Variants in SIK3 observed in about 807,000 individuals in gnomAD.
The protein encoded by SIK3 is SIK family kinase 3.
In SIK3, 28 loss-of-function variants were observed where a neutral mutation model predicts 144.2. The ratio of observed to expected loss-of-function variants is 0.19; its 90% CI spans 0.14 to 0.27. The LOEUF is 0.27. Ranked by LOEUF, SIK3 falls within the 10% of genes least tolerant of loss-of-function variation. The probability of loss-of-function intolerance (pLI) is 1.00; values close to 1 mark genes in which losing one functional copy is unlikely to be tolerated. For synonymous variants in SIK3, 686 were observed against 676.3 expected (o/e 1.01, Z -0.22); for missense variants, 1,319 against 1,776.0 (o/e 0.74, Z 4.62).
intron 22 of SIK3, among the ~76,000 whole-genome samples, chr11:116,848,381 G>A (rs1414440440): frequency 1.3e-5 from 2 of 152,122 alleles, no homozygotes; most frequent in African/African-American, 2.4e-5. Context: ...AAGTGTAACT[G>A]GTGTGACTGA....
At chr11:116,996,201 G>C (rs945139952) in intron 1 of SIK3, among the ~76,000 whole-genome samples, 3 of 151,866 alleles carry the variant, frequency 2.0e-5, no homozygotes, top group South Asian at 4.2e-4. Flanking sequence ...CCAGCTATTC[G>C]GGAGGCTGAG....
chr11:116,900,041 T>C (rs148595113), intron 4 of SIK3, among the ~76,000 whole-genome samples: 1 of 152,288 alleles, frequency 6.6e-6, no homozygotes, highest in African/African-American at 2.4e-5. Flanking sequence ...TCTCGCTACT[T>C]CTACCAGCAT....
At chr11:117,015,684 C>T (rs756323683) in intron 1 of SIK3, among the ~76,000 whole-genome samples, 2 of 152,102 alleles carry the variant, frequency 1.3e-5, no homozygotes, top group Admixed American at 6.6e-5. Context: ...AAGTGATTCT[C>T]CTGCCTCAGC....
chr11:116,919,472 A>G (rs187817203), intron 4 of SIK3, among the ~76,000 whole-genome samples: 1 of 152,296 alleles, frequency 6.6e-6, no homozygotes, highest in East Asian at 1.9e-4. Context: ...AGTGGAAACT[A>G]TCTCATGGAG....
intron 1 of SIK3, among the ~76,000 whole-genome samples, chr11:117,001,984 T>C (rs1305966936): frequency 6.6e-6 from 1 of 152,220 alleles, no homozygotes; most frequent in Non-Finnish European, 1.5e-5. Flanking sequence ...AGCTCCTTCA[T>C]TGTCTGGGCT....
intron 1 of SIK3, among the ~76,000 whole-genome samples, chr11:116,982,943 CAAAAAA>C (rs35698580): frequency 0.21 from 14,424 of 69,192 alleles, 839 homozygotes; most frequent in Admixed American, 0.31. Context: ...GACTCCGTCT[CAAAAAA>C]AAAAAAAAAA....
At chr11:117,016,399 GGAAGGAA>G (rs1565559525) in intron 1 of SIK3, among the ~76,000 whole-genome samples, 6 of 107,984 alleles carry the variant, frequency 5.6e-5, no homozygotes, top group East Asian at 5.8e-4. Context: ...AGGGAGGGAA[GGAAGGAA>G]GGAAGGAAGG....
intron 14 of SIK3, 102 bp downstream of exon 14, chr11:116,870,229 T>C: frequency 6.4e-7 from 1 of 1,567,916 alleles, no homozygotes; most frequent in Non-Finnish European, 8.7e-7. Context: ...ACACAAATGT[T>C]GAAGCTGCAC....
At chr11:117,046,089 T>C (rs1463835890) in intron 1 of SIK3, among the ~76,000 whole-genome samples, 1 of 152,260 alleles carries the variant, frequency 6.6e-6, no homozygotes, top group African/African-American at 2.4e-5. Flanking sequence ...GTGGGCACTG[T>C]TCCTATCCAT....
chr11:117,057,350 T>C (rs1384164214), intron 1 of SIK3, among the ~76,000 whole-genome samples: 1 of 152,118 alleles, frequency 6.6e-6, no homozygotes, highest in South Asian at 2.1e-4. Flanking sequence ...GGCAAACAGG[T>C]AGAGGGGTTA....
At chr11:117,009,351 G>A (rs533512553) in intron 1 of SIK3, among the ~76,000 whole-genome samples, 13 of 151,968 alleles carry the variant, frequency 8.6e-5, no homozygotes, top group East Asian at 3.9e-4. Context: ...TTCGAGACCA[G>A]CCTGGGCAAC....
At chr11:117,059,034 G>C (rs1405093122) in intron 1 of SIK3, among the ~76,000 whole-genome samples, 1 of 152,230 alleles carries the variant, frequency 6.6e-6, no homozygotes, top group African/African-American at 2.4e-5. Context: ...GGAGATTTAA[G>C]GGGCTGGCGG....
intron 3 of SIK3, among the ~76,000 whole-genome samples, chr11:116,953,719 C>T (rs1216594770): frequency 6.6e-6 from 1 of 152,226 alleles, no homozygotes; most frequent in Non-Finnish European, 1.5e-5. Flanking sequence ...TTCTGTCGCA[C>T]TTGGTAACCT....
chr11:116,988,269 C>A (rs975096745), intron 1 of SIK3, among the ~76,000 whole-genome samples: 11 of 151,998 alleles, frequency 7.2e-5, no homozygotes, highest in African/African-American at 2.7e-4. Flanking sequence ...GCCTGTAGTC[C>A]CAGCTACTAG....
chr11:117,061,703 C>T (rs990162465), intron 1 of SIK3, among the ~76,000 whole-genome samples: 1 of 152,090 alleles, frequency 6.6e-6, no homozygotes. Flanking sequence ...TAATAAGATC[C>T]TCAGGTAATT....
At chr11:116,957,884 T>G (rs1317005294) in intron 1 of SIK3, among the ~76,000 whole-genome samples, 1 of 152,210 alleles carries the variant, frequency 6.6e-6, no homozygotes, top group Non-Finnish European at 1.5e-5. Flanking sequence ...ATACATGCAC[T>G]GCATCATAAA....
chr11:116,991,379 G>A (rs997302235), intron 1 of SIK3, among the ~76,000 whole-genome samples: 6 of 152,170 alleles, frequency 3.9e-5, no homozygotes, highest in African/African-American at 9.7e-5. Context: ...CCCGGGAGGC[G>A]AAGGTTGCAG....
At chr11:116,888,267 A>C (rs1218958472) in intron 6 of SIK3, among the ~76,000 whole-genome samples, 3 of 152,234 alleles carry the variant, frequency 2.0e-5, no homozygotes, top group Admixed American at 2.0e-4. Context: ...AAAAGGAAGG[A>C]TCTTGTGCAT....
intron 1 of SIK3, among the ~76,000 whole-genome samples, chr11:117,014,665 A>G (rs1951445603): frequency 6.6e-6 from 1 of 152,244 alleles, no homozygotes; most frequent in African/African-American, 2.4e-5. Flanking sequence ...AGATTTGTAT[A>G]TATTCAAGGC....
Sources: gnomAD v4.1 joint callset for allele counts (sites outside exome capture counted in the v4.1 genomes callset) on GRCh38, gnomAD v4.1.1 for gene constraint, MANE v1.5 for transcripts, NCBI Gene and HGNC (gene_info 2026-07-23, HGNC 2026-07-21) for gene names.